TMC1: variants seen among roughly 807,000 people sequenced by gnomAD.
TMC1 encodes the protein transmembrane channel-like protein 1.
TMC1 carries 84 observed loss-of-function variants against 105.8 expected under a neutral mutation model. That is an observed-to-expected ratio of 0.79 (90% CI 0.67 to 0.95). The LOEUF (loss-of-function observed/expected upper bound fraction) is 0.95, where lower values mean the gene tolerates loss of function less well. TMC1 is among the 40% of genes least tolerant of loss of function. The pLI is 0.00. For synonymous variants in TMC1, 315 were observed against 311.5 expected (o/e 1.01, Z -0.12); for missense variants, 817 against 914.1 (o/e 0.89, Z 1.37).
intron 5 of TMC1, among the ~76,000 whole-genome samples, chr9:72,660,099 T>A (rs1326341895): frequency 1.3e-5 from 2 of 152,116 alleles, no homozygotes; most frequent in Non-Finnish European, 2.9e-5. Context: ...ACCCTTTTGA[T>A]GTTAATGTTC....
At chr9:72,685,954 A>G (rs1313958287) in intron 5 of TMC1, among the ~76,000 whole-genome samples, 1 of 152,220 alleles carries the variant, frequency 6.6e-6, no homozygotes, top group Non-Finnish European at 1.5e-5. Flanking sequence ...TCAGCATTAT[A>G]GATTTAAAAA....
At chr9:72,573,527 T>C (rs1353914351) in intron 1 of TMC1, among the ~76,000 whole-genome samples, 1 of 152,196 alleles carries the variant, frequency 6.6e-6, no homozygotes, top group Non-Finnish European at 1.5e-5. Context: ...TTAAGTCCTG[T>C]GCGTAAACTT....
chr9:72,698,614 G>A (rs953655809), intron 7 of TMC1, among the ~76,000 whole-genome samples: 2 of 152,164 alleles, frequency 1.3e-5, no homozygotes, highest in Non-Finnish European at 2.9e-5. Flanking sequence ...TAATTAGACT[G>A]CAGAAAAGGT....
At chr9:72,812,240 A>G (rs925715516) in intron 18 of TMC1, among the ~76,000 whole-genome samples, 1 of 152,224 alleles carries the variant, frequency 6.6e-6, no homozygotes. Context: ...ATGAACTGGG[A>G]TACAGAATTA....
chr9:72,767,722 T>C (rs1415121149), intron 12 of TMC1, among the ~76,000 whole-genome samples: 1 of 152,186 alleles, frequency 6.6e-6, no homozygotes, highest in East Asian at 1.9e-4. Flanking sequence ...TTTTCTGTGC[T>C]CACTGGGAAC....
chr9:72,832,458 T>G (rs1398471369), intron 23 of TMC1, among the ~76,000 whole-genome samples: 2 of 152,216 alleles, frequency 1.3e-5, no homozygotes, highest in African/African-American at 4.8e-5. Flanking sequence ...TGGCCCCATA[T>G]GGGTCATGTA....
intron 1 of TMC1, among the ~76,000 whole-genome samples, chr9:72,538,505 C>G (rs772538644): frequency 1.8e-4 from 27 of 152,128 alleles, no homozygotes; most frequent in Middle Eastern, 3.4e-3. Context: ...GGCACGATCT[C>G]GGCTCACTGT....
intron 2 of TMC1, among the ~76,000 whole-genome samples, chr9:72,592,883 T>C (rs1824660644): frequency 1.3e-5 from 2 of 152,330 alleles, no homozygotes; most frequent in Middle Eastern, 3.4e-3. Flanking sequence ...ATTTACTTAG[T>C]AATGAGATTA....
intron 2 of TMC1, among the ~76,000 whole-genome samples, chr9:72,601,403 G>A (rs928324027): frequency 6.6e-6 from 1 of 152,068 alleles, no homozygotes; most frequent in Admixed American, 6.6e-5. Context: ...CAGCACTTTG[G>A]GAGGCTGAGG....
intron 8 of TMC1, among the ~76,000 whole-genome samples, chr9:72,728,844 T>C (rs1012145979): frequency 6.6e-6 from 1 of 152,060 alleles, no homozygotes; most frequent in African/African-American, 2.4e-5. Context: ...GGAAAAGTTT[T>C]AATCAGCAGG....
At chr9:72,833,779 A>G (rs912189668) in intron 23 of TMC1, among the ~76,000 whole-genome samples, 1 of 152,180 alleles carries the variant, frequency 6.6e-6, no homozygotes, top group Non-Finnish European at 1.5e-5. Context: ...AGATTCCACA[A>G]TTGCTCTTGA....
In TMC1 at chr9:72,727,333, T is replaced by C. The variant is rs1588052505; in HGVS notation, c.363-12786T>C. On this transcript the variant is annotated intron_variant, in intron 8 of 23. Transcript: ENST00000297784. ...ATTTTTCTTAATAAAGTTTAAGCTG[T>C]AGAAAGGAATTCATATATTTCCTTG... Among the ~76,000 whole-genome samples the C allele has an allele frequency of 5.9e-5, 9 of 152,272 alleles. No individual in the cohort carries two copies. The South Asian group carries it at 1.9e-3, about 32-fold the overall frequency.
chr9:72,759,693 T>C (rs1827725398), intron 12 of TMC1, among the ~76,000 whole-genome samples: 1 of 152,188 alleles, frequency 6.6e-6, no homozygotes, highest in Non-Finnish European at 1.5e-5. Context: ...AGGTTTATAC[T>C]GGAAATTCAC....
chr9:72,553,753 A>T (rs1206260498), intron 1 of TMC1, among the ~76,000 whole-genome samples: 1 of 152,176 alleles, frequency 6.6e-6, no homozygotes, highest in African/African-American at 2.4e-5. Context: ...CTTAAAAGTA[A>T]TTGGATTTCT....
chr9:72,543,817 G>A (rs1486447499), intron 1 of TMC1, among the ~76,000 whole-genome samples: 1 of 151,864 alleles, frequency 6.6e-6, no homozygotes, highest in Non-Finnish European at 1.5e-5. Context: ...GCCCAGACTG[G>A]TCTCTAATTC....
chr9:72,832,969 AGT>A (rs1054515791), intron 23 of TMC1, among the ~76,000 whole-genome samples: 3 of 152,094 alleles, frequency 2.0e-5, no homozygotes, highest in African/African-American at 7.2e-5. Flanking sequence ...TCAATTTGTT[AGT>A]TGATTTTTAG....
chr9:72,614,344 G>T (rs866278552), intron 2 of TMC1, among the ~76,000 whole-genome samples: 1 of 152,102 alleles, frequency 6.6e-6, no homozygotes, highest in Non-Finnish European at 1.5e-5. Context: ...TAAGTTTAAA[G>T]GTCCATAAAG....
chr9:72,687,921 T>C (rs552736701), intron 5 of TMC1, among the ~76,000 whole-genome samples: 1 of 152,278 alleles, frequency 6.6e-6, no homozygotes, highest in African/African-American at 2.4e-5. Flanking sequence ...AAACCTGTGA[T>C]GAATGAACAT....
chr9:72,800,826 G>A (rs924926701), intron 17 of TMC1, among the ~76,000 whole-genome samples: 8 of 152,152 alleles, frequency 5.3e-5, no homozygotes, highest in African/African-American at 1.9e-4. Context: ...TGACTGGAAT[G>A]TTGATTAGGC....
Sources: allele counts gnomAD v4.1 joint callset (sites outside exome capture counted in the v4.1 genomes callset), GRCh38; gene constraint gnomAD v4.1.1; transcripts MANE v1.5; gene names NCBI Gene and HGNC (gene_info 2026-07-23, HGNC 2026-07-21).